The following SETX variants were observed in gnomAD, a reference collection of about 807,000 sequenced individuals.
SETX encodes the protein senataxin, also known as helicase senataxin.
In SETX, 90 loss-of-function variants were observed where a neutral mutation model predicts 227.2. The observed-to-expected ratio is 0.40, with a 90% CI of 0.33 to 0.47. The LOEUF (loss-of-function observed/expected upper bound fraction) is 0.47. Among genes scored for constraint, SETX ranks in the 20% least tolerant of loss-of-function variants. The pLI, the probability that SETX is intolerant of heterozygous loss-of-function variation, is 0.91. For missense variants in SETX, 3,052 were observed against 3,181.5 expected, an observed-to-expected ratio of 0.96 and a Z score of 0.98; for synonymous variants, 1,210 against 1,113.2, an observed-to-expected ratio of 1.09 and a Z score of -1.73.
At chr9:132,343,120 A>C (rs535096011) in intron 4 of SETX, among the ~76,000 whole-genome samples, 3 of 151,872 alleles carry the variant, frequency 2.0e-5, no homozygotes, top group Non-Finnish European at 2.9e-5. Context: ...GAGATCGAGA[A>C]CATCCTGGCT....
At chr9:132,281,599 G>A (rs1481026627) in intron 19 of SETX, 25 bp from the exon 20 acceptor site, 1 of 1,496,426 alleles carries the variant, frequency 6.7e-7, no homozygotes, top group Non-Finnish European at 9.3e-7. Context: ...GAAGAGAGAG[G>A]CAGTCTTAAC....
intron 16 of SETX, 31 bp from the exon 17 acceptor site, chr9:132,288,382 G>A (rs769640211): frequency 1.4e-5 from 22 of 1,533,048 alleles, no homozygotes; most frequent in Non-Finnish European, 1.9e-5. Context: ...AAAATTATAT[G>A]CTATTCTAAT....
chr9:132,353,803 C>G (rs1260714205), intron 1 of SETX, 48 bp from the exon 2 acceptor site: 1 of 152,192 alleles, frequency 6.6e-6, no homozygotes, highest in African/African-American at 2.4e-5. Flanking sequence ...CATTTATACT[C>G]TATATCCCAT....
At chr9:132,282,096 G>A (rs1244323654) in intron 19 of SETX, among the ~76,000 whole-genome samples, 2 of 145,186 alleles carry the variant, frequency 1.4e-5, no homozygotes, top group African/African-American at 2.6e-5. Flanking sequence ...CTCCAAACAT[G>A]TCTAAAAAAA....
intron 5 of SETX, among the ~76,000 whole-genome samples, chr9:132,339,630 G>A (rs1589768762): frequency 6.6e-6 from 1 of 152,178 alleles, no homozygotes; most frequent in Admixed American, 6.5e-5. Flanking sequence ...TTCCTTTTGT[G>A]AGATGGAGTT....
intron 24 of SETX, among the ~76,000 whole-genome samples, chr9:132,270,277 C>CCCAT (rs1842840709): frequency 6.6e-6 from 1 of 151,228 alleles, no homozygotes; most frequent in Non-Finnish European, 1.5e-5. Flanking sequence ...AATGACTCAG[C>CCCAT]GTGCCCATGT....
At chr9:132,288,681 A>G in intron 15 of SETX, 30 bp from the exon 16 acceptor site, 3 of 1,370,856 alleles carry the variant, frequency 2.2e-6, no homozygotes, top group South Asian at 1.2e-5. Context: ...TTAAGGACTA[A>G]TAAGGACACT....
At chr9:132,274,741 C>A (rs1186791331) in intron 23 of SETX, among the ~76,000 whole-genome samples, 1 of 152,048 alleles carries the variant, frequency 6.6e-6, no homozygotes, top group East Asian at 1.9e-4. Flanking sequence ...CCACCACACC[C>A]AGCCTACAGG....
At chr9:132,296,171 A>G in intron 14 of SETX, 143 bp from the exon 15 acceptor site, 1 of 1,022,228 alleles carries the variant, frequency 9.8e-7, no homozygotes, top group Non-Finnish European at 1.5e-6. Context: ...AAGCATCTAC[A>G]TCTAACACTG....
intron 10 of SETX, among the ~76,000 whole-genome samples, chr9:132,321,740 C>G (rs1033670656): frequency 2.7e-5 from 4 of 146,912 alleles, no homozygotes; most frequent in Non-Finnish European, 5.9e-5. Context: ...CCCAGCTACT[C>G]AGGAGGCTGA....
chr9:132,292,415 C>CAAAAAAAAAAAAAA (rs60253119), intron 15 of SETX, among the ~76,000 whole-genome samples: 2 of 61,070 alleles, frequency 3.3e-5, no homozygotes, highest in Admixed American at 1.9e-4. Context: ...AGCTGGGGTA[C>CAAAAAAAAAAAAAA]AAAAAAAAAA....
chr9:132,309,822 T>C (rs1201249576), intron 11 of SETX, among the ~76,000 whole-genome samples: 1 of 151,812 alleles, frequency 6.6e-6, no homozygotes, highest in East Asian at 1.9e-4. Context: ...CCATGGGTGA[T>C]GGGGGTGGGG....
chr9:132,305,238 C>CA (rs1845260705), intron 11 of SETX, among the ~76,000 whole-genome samples: 1 of 150,892 alleles, frequency 6.6e-6, no homozygotes, highest in South Asian at 2.1e-4. Context: ...CCTGTAGTCC[C>CA]AGCAACTCGG....
chr9:132,350,902 T>G (rs1190670970), intron 2 of SETX, among the ~76,000 whole-genome samples: 2 of 151,916 alleles, frequency 1.3e-5, no homozygotes, highest in Non-Finnish European at 2.9e-5. Flanking sequence ...CTCATCGACG[T>G]GGGGGGGAAA....
intron 23 of SETX, among the ~76,000 whole-genome samples, chr9:132,272,450 T>TA (rs1235713917): frequency 3.0e-4 from 46 of 151,388 alleles, no homozygotes; most frequent in South Asian, 8.4e-4. Context: ...TGCCTGGCCT[T>TA]ACAGTCTTTA....
chr9:132,301,366 G>A (rs1844986685), intron 11 of SETX, among the ~76,000 whole-genome samples: 1 of 151,766 alleles, frequency 6.6e-6, no homozygotes, highest in African/African-American at 2.4e-5. Flanking sequence ...GGATTACAGG[G>A]GTGAGCCACT....
intron 7 of SETX, among the ~76,000 whole-genome samples, chr9:132,332,439 G>A (rs557923087): frequency 2.0e-5 from 3 of 152,244 alleles, no homozygotes; most frequent in African/African-American, 7.2e-5. Context: ...CTATTGCTAC[G>A]TCATCCTAGA....
chr9:132,331,742 T>C (rs1589751240), intron 7 of SETX, among the ~76,000 whole-genome samples: 3 of 151,900 alleles, frequency 2.0e-5, no homozygotes, highest in Non-Finnish European at 1.5e-5. Flanking sequence ...GTAAGCACAA[T>C]CTTTTCACAC....
At chr9:132,346,771 G>GC (rs1848316498) in intron 3 of SETX, among the ~76,000 whole-genome samples, 1 of 139,712 alleles carries the variant, frequency 7.2e-6, no homozygotes, top group Non-Finnish European at 1.6e-5. Context: ...GGGTAGCAAA[G>GC]CAAGACCCTG....
Sources: gnomAD v4.1 joint callset for allele counts (sites outside exome capture counted in the v4.1 genomes callset) on GRCh38, gnomAD v4.1.1 for gene constraint, MANE v1.5 for transcripts, NCBI Gene and HGNC (gene_info 2026-07-23, HGNC 2026-07-21) for gene names.